The following TENM4 variants were observed in gnomAD, a reference collection of about 807,000 sequenced individuals.
The protein encoded by TENM4 is teneurin transmembrane protein 4, also known as teneurin-4.
TENM4 carries 82 observed loss-of-function variants against 243.3 expected under a neutral mutation model. The observed-to-expected ratio is 0.34, with a 90% CI of 0.28 to 0.40. TENM4 has a LOEUF of 0.40. TENM4 is among the 10% of genes least tolerant of loss of function. TENM4 has a pLI of 1.00. For synonymous variants in TENM4, 1,412 were observed against 1,456.3 expected, an observed-to-expected ratio of 0.97 and a Z score of 0.69; for missense variants, 3,138 against 3,673.3, an observed-to-expected ratio of 0.85 and a Z score of 3.77.
intron 2 of TENM4, among the ~76,000 whole-genome samples, chr11:79,250,707 C>T (rs1855595458): frequency 6.6e-6 from 1 of 152,224 alleles, no homozygotes; most frequent in African/African-American, 2.4e-5. Flanking sequence ...ATAATCATCC[C>T]ATGCTTCTAG....
chr11:78,738,594 A>G (rs1273311206), intron 19 of TENM4, 24 bp from the exon 20 acceptor site: 2 of 1,610,074 alleles, frequency 1.2e-6, no homozygotes, highest in African/African-American at 1.3e-5. Context: ...AGAGAGAATA[A>G]ACATGATACA....
At chr11:79,439,692 C>T (rs1004680664) in intron 1 of TENM4, among the ~76,000 whole-genome samples, 9 of 151,476 alleles carry the variant, frequency 5.9e-5, no homozygotes, top group Non-Finnish European at 1.0e-4. Flanking sequence ...CACACACACA[C>T]GCCGCCCCAC....
In TENM4 at chr11:78,701,972, A is replaced by G; in HGVS notation, c.4641T>C (p.Asp1547=). The change falls in exon 28 of 34, where the codon GAT becomes GAC. Residue 1547 remains aspartate (D), a synonymous_variant. Transcript: ENST00000278550. ...CAAGGTCGGCCACGTAGAGCTCCCC[A>G]TCAGCACACACAGCCAAGGAAGATG... ...NTPSSLAVCA[D]GELYVADLGN... is the part of the protein sequence containing the mutation. The G allele has an allele frequency of 5.0e-6, 8 of 1,614,050 alleles. No individual in the cohort carries two copies. The highest frequency in any genetic ancestry group is 6.8e-6 in the Non-Finnish European group (8 of 1,179,900).
intron 19 of TENM4, chr11:78,756,359 A>G (rs116652496): frequency 0.015 from 2,881 of 187,302 alleles, 102 homozygotes; most frequent in African/African-American, 0.065. Context: ...ACAACTGAAA[A>G]CAGGGAGATT....
chr11:79,039,421 C>T lies in TENM4; in HGVS notation c.493+25317G>A, dbSNP rs559125654. 1.6e-4 allele frequency among the ~76,000 whole-genome samples: 24 copies of T among 152,272 alleles called. No homozygotes were observed. In the South Asian group the frequency reaches 2.5e-3, roughly 16 times the overall value. ...CAGGATCTTTCAGGAAGCTGTGAGA[C>T]GCAGAAAGAAGCCAGTTTTAGGCTC... is the stretch of plus-strand genomic sequence containing the variant. On this transcript the variant is annotated intron_variant, in intron 6 of 33. Transcript: ENST00000278550.
intron 3 of TENM4, among the ~76,000 whole-genome samples, chr11:79,157,349 C>A (rs902378195): frequency 3.3e-5 from 5 of 152,182 alleles, no homozygotes; most frequent in Admixed American, 6.5e-5. Flanking sequence ...CCTCAATAAT[C>A]TGTGCTGCAA....
At position 78,793,070 on chromosome 11, in the gene TENM4, C is replaced by T. The variant is rs192866357; in HGVS notation, c.2180-5987G>A. On this transcript the variant is annotated intron_variant, in intron 15 of 33. Coordinates refer to ENST00000278550, the MANE Select transcript of TENM4 (RefSeq NM_001098816.3). ...GCTCGTCTCATTAGATGTTAATCCC[C>T]GTGCAAGCCCAGATGAAGCCTGGGA... 3.0e-3 allele frequency among the ~76,000 whole-genome samples: 460 copies of T among 152,266 alleles called. 2 individuals carry two copies. Among genetic ancestry groups the T allele is most frequent in the Middle Eastern group, 3.4e-3 (1 of 294 alleles).
At chr11:79,090,069 T>A (rs1860909843) in intron 4 of TENM4, among the ~76,000 whole-genome samples, 1 of 152,190 alleles carries the variant, frequency 6.6e-6, no homozygotes, top group African/African-American at 2.4e-5. Flanking sequence ...TATATGTTTT[T>A]CTTGTTGAGG....
At chr11:79,290,540 T>A (rs1041235746) in intron 2 of TENM4, among the ~76,000 whole-genome samples, 1 of 151,910 alleles carries the variant, frequency 6.6e-6, no homozygotes, top group African/African-American at 2.4e-5. Flanking sequence ...TAGAAAACAA[T>A]GGAAGTGGCT....
chr11:79,119,374 T>C (rs1329199636), intron 4 of TENM4, among the ~76,000 whole-genome samples: 1 of 151,084 alleles, frequency 6.6e-6, no homozygotes, highest in Admixed American at 6.6e-5. Context: ...TTATCATTAT[T>C]GTCCTTGTTG....
intron 15 of TENM4, 34 bp downstream of exon 15, chr11:78,805,258 C>A (rs1464053861): frequency 2.6e-6 from 4 of 1,520,980 alleles, no homozygotes; most frequent in Non-Finnish European, 3.6e-6. Context: ...AAATCCCCTC[C>A]CTCTACCCAT....
intron 1 of TENM4, among the ~76,000 whole-genome samples, chr11:79,298,846 A>T (rs947795723): frequency 6.6e-6 from 1 of 152,104 alleles, no homozygotes; most frequent in African/African-American, 2.4e-5. Context: ...TCATTTACTA[A>T]TTTTTCCAAA....
At chr11:79,188,389 AG>A (rs1863415194) in intron 3 of TENM4, among the ~76,000 whole-genome samples, 1 of 152,208 alleles carries the variant, frequency 6.6e-6, no homozygotes, top group African/African-American at 2.4e-5. Context: ...GTTAATGCAC[AG>A]TTGGAAACTC....
At chr11:79,408,518 A>G (rs1858620867) in intron 1 of TENM4, among the ~76,000 whole-genome samples, 1 of 152,254 alleles carries the variant, frequency 6.6e-6, no homozygotes, top group African/African-American at 2.4e-5. Flanking sequence ...GGATTACATT[A>G]AACAAGAATA....
chr11:78,864,945 A>AG (rs1212594172), intron 9 of TENM4, among the ~76,000 whole-genome samples: 1 of 152,152 alleles, frequency 6.6e-6, no homozygotes, highest in Non-Finnish European at 1.5e-5. Context: ...CTGACCCGCT[A>AG]GGGGGGCTAG....
At chr11:79,221,322 A>G (rs1199990710) in intron 2 of TENM4, among the ~76,000 whole-genome samples, 3 of 146,250 alleles carry the variant, frequency 2.1e-5, no homozygotes, top group Non-Finnish European at 4.5e-5. Context: ...GATCCACCAC[A>G]TTCCTGAGTC....
chr11:79,185,450 T>C (rs1863364418), intron 3 of TENM4, among the ~76,000 whole-genome samples: 1 of 152,208 alleles, frequency 6.6e-6, no homozygotes, highest in African/African-American at 2.4e-5. Context: ...AAGATTATAG[T>C]CTCATATCTG....
At chr11:79,113,281 G>A (rs991026874) in intron 4 of TENM4, among the ~76,000 whole-genome samples, 2 of 151,632 alleles carry the variant, frequency 1.3e-5, no homozygotes, top group African/African-American at 4.9e-5. Context: ...CTGTCTTGGA[G>A]TGGATCCAAG....
intron 4 of TENM4, among the ~76,000 whole-genome samples, chr11:79,138,357 A>C (rs1245713728): frequency 2.4e-5 from 3 of 124,422 alleles, no homozygotes; most frequent in East Asian, 2.2e-4. Flanking sequence ...AAAAATATAT[A>C]ATATATAATA....
Sources: allele counts gnomAD v4.1 joint callset (sites outside exome capture counted in the v4.1 genomes callset), GRCh38; gene constraint gnomAD v4.1.1; transcripts MANE v1.5; gene names NCBI Gene and HGNC (gene_info 2026-07-23, HGNC 2026-07-21).